Variants in NAA50 observed in about 807,000 individuals in gnomAD.
NAA50 encodes N-alpha-acetyltransferase 50, NatE catalytic subunit.
In NAA50, 7 loss-of-function variants were observed where a neutral mutation model predicts 20.7. The observed-to-expected ratio is 0.34, with a 90% CI of 0.19 to 0.63. NAA50 has a LOEUF of 0.63. Among genes scored for constraint, NAA50 ranks in the 30% least tolerant of loss-of-function variants. The probability of loss-of-function intolerance (pLI) is 0.75; values close to 1 mark genes in which losing one functional copy is unlikely to be tolerated. For synonymous variants in NAA50, 54 were observed against 70.6 expected (o/e 0.77, Z 1.18); for missense variants, 111 against 199.1 (o/e 0.56, Z 2.66).
intron 1 of NAA50, among the ~76,000 whole-genome samples, chr3:113,725,793 T>TA (rs1708191668): frequency 1.3e-5 from 2 of 148,680 alleles, no homozygotes; most frequent in African/African-American, 2.5e-5. Flanking sequence ...TAATTACAGA[T>TA]AAAAAAAGAA....
Position 113,721,288 on chromosome 3 carries a change from C to T in NAA50, c.*472G>A, listed in dbSNP as rs1175473343. 6.2e-6 allele frequency: 1 copy of T among 160,138 alleles called. No individual in the cohort carries two copies. The highest frequency in any genetic ancestry group is 1.9e-4 in the East Asian group (1 of 5,312). The allele number at this position is 160,138 out of a possible 1,614,324, so 9.9% of individuals were successfully genotyped here. Reference sequence around the variant, plus strand: ...AGAAGGACTAAAGGTGGAGTGAAGGCAATGTCTAGGGATTAGTATCCCAAA... The same window carrying T: ...AGAAGGACTAAAGGTGGAGTGAAGGTAATGTCTAGGGATTAGTATCCCAAA... On this transcript the variant is annotated 3_prime_UTR_variant, in exon 5 of 5. Transcript: ENST00000240922.
chr3:113,736,970 A>T (rs1319220321), intron 1 of NAA50, among the ~76,000 whole-genome samples: 1 of 152,210 alleles, frequency 6.6e-6, no homozygotes, highest in Non-Finnish European at 1.5e-5. Flanking sequence ...AGAGTATTTG[A>T]TCTGGACTGG....
intron 1 of NAA50, among the ~76,000 whole-genome samples, chr3:113,737,733 C>G (rs1708362947): frequency 6.6e-6 from 1 of 152,134 alleles, no homozygotes; most frequent in South Asian, 2.1e-4. Flanking sequence ...AAGGGCCTTT[C>G]TGGTACACTG....
Position 113,723,458 on chromosome 3 carries a change from G to A in NAA50, c.229C>T (p.Leu77=). The change falls in exon 3 of 5, where the codon CTA becomes TTA. Residue 77 remains leucine (L), a synonymous_variant. Transcript: ENST00000240922. ...QNQKRLYIMT[L]GCLAPYRRLG... ...CTTCGGTAAGGTGCCAGACATCCTAGTGTCATGATGTAAAGTCTCTTCTGA... is the reference window on the plus strand; with the variant it reads ...CTTCGGTAAGGTGCCAGACATCCTAATGTCATGATGTAAAGTCTCTTCTGA... 1.9e-6 allele frequency: 3 copies of A among 1,612,688 alleles called. No homozygotes were observed. The highest frequency in any genetic ancestry group is 2.5e-6 in the Non-Finnish European group (3 of 1,179,234).
chr3:113,734,452 G>A (rs1046457125), intron 1 of NAA50, among the ~76,000 whole-genome samples: 23 of 152,016 alleles, frequency 1.5e-4, no homozygotes, highest in African/African-American at 4.8e-4. Context: ...CTGGATCTAA[G>A]ATAAAAGCTG....
chr3:113,728,950 C>G (rs1232389123), intron 1 of NAA50, among the ~76,000 whole-genome samples: 1 of 151,604 alleles, frequency 6.6e-6, no homozygotes, highest in African/African-American at 2.4e-5. Flanking sequence ...CACATGGTAT[C>G]TCAAAAAGGC....
rs1198532212 is a variant in NAA50, at chr3:113,720,320, A to C, written c.*1440T>G. Reference sequence around the variant, plus strand: ...TAAATATGAATGAAACTTCCTTTTAAAGTCAAATGACAGAAAGCTCAAGCC... The same window carrying C: ...TAAATATGAATGAAACTTCCTTTTACAGTCAAATGACAGAAAGCTCAAGCC... On this transcript the variant is annotated 3_prime_UTR_variant, in exon 5 of 5. Coordinates refer to ENST00000240922, the MANE Select transcript of NAA50 (RefSeq NM_025146.4). 6.6e-6 allele frequency: 1 copy of C among 152,428 alleles called. No homozygotes were observed. Among genetic ancestry groups the C allele is most frequent in the Admixed American group, 6.5e-5 (1 of 15,278 alleles). 9.4% of individuals were successfully genotyped at this position (152,428 alleles called of 1,614,324 possible).
At chr3:113,725,309 T>A (rs1292062339) in intron 1 of NAA50, among the ~76,000 whole-genome samples, 1 of 152,238 alleles carries the variant, frequency 6.6e-6, no homozygotes, top group Admixed American at 6.5e-5. Flanking sequence ...TAGCATATTG[T>A]GTTTTGTAGA....
intron 4 of NAA50, 79 bp from the exon 5 acceptor site, chr3:113,722,016 C>A: frequency 7.8e-7 from 1 of 1,288,006 alleles, no homozygotes; most frequent in Non-Finnish European, 1.1e-6. Context: ...CAGATAGCTC[C>A]AAACATCTGT....
intron 1 of NAA50, among the ~76,000 whole-genome samples, chr3:113,733,213 C>T (rs1031534278): frequency 1.3e-5 from 2 of 152,082 alleles, no homozygotes; most frequent in African/African-American, 4.8e-5. Context: ...CAACTAATCT[C>T]AATTGTAGCT....
rs1348531167 is a variant in NAA50 at position 113,717,251 on chromosome 3, T to C, written c.*4509A>G. 6.6e-6 allele frequency: 1 copy of C among 152,254 alleles called. No individual in the cohort carries two copies. Among genetic ancestry groups the C allele is most frequent in the Non-Finnish European group, 1.5e-5 (1 of 68,120 alleles). The allele number at this position is 152,254 out of a possible 1,614,324, so 9.4% of individuals were successfully genotyped here. On this transcript the variant is annotated 3_prime_UTR_variant, in exon 5 of 5. Coordinates refer to ENST00000240922, the MANE Select transcript of NAA50 (RefSeq NM_025146.4). The stretch of plus-strand genomic sequence containing the variant: ...ACTTGGGAGGCTCAGGCAGAATTGC[T>C]TGAATCTGGGAGGCGGAGTTTGCAG...
chr3:113,743,548 T>C (rs1054763155), intron 1 of NAA50, among the ~76,000 whole-genome samples: 3 of 152,206 alleles, frequency 2.0e-5, no homozygotes, highest in African/African-American at 7.2e-5. Flanking sequence ...CAAGCACAAG[T>C]AAGATTCACA....
intron 2 of NAA50, 128 bp downstream of exon 2, chr3:113,723,831 C>T (rs755647749): frequency 1.2e-5 from 13 of 1,069,734 alleles, no homozygotes; most frequent in Non-Finnish European, 1.5e-5. Context: ...CAACCTAGAC[C>T]ACTCCCATTT....
chr3:113,736,768 C>T (rs908785757), intron 1 of NAA50, among the ~76,000 whole-genome samples: 3 of 152,158 alleles, frequency 2.0e-5, no homozygotes, highest in Admixed American at 6.5e-5. Context: ...AAGTGATCTT[C>T]CAGCCTCAGC....
chr3:113,727,628 T>A (rs573913823), intron 1 of NAA50, among the ~76,000 whole-genome samples: 212 of 151,126 alleles, frequency 1.4e-3, no homozygotes, highest in Non-Finnish European at 2.5e-3. Context: ...AAAAAATACA[T>A]GCCTTTTTTT....
rs919012057 is a variant in NAA50 at position 113,716,911 on chromosome 3, C to A, written c.*4849G>T. ...AATTCTTCTAGATCTCAACTCTAGG[C>A]TGTTAACAAGTAGCAACTCCTTCAT... is the stretch of plus-strand genomic sequence containing the variant. On this transcript the variant is annotated 3_prime_UTR_variant, in exon 5 of 5. Transcript: ENST00000240922. 5.3e-5 allele frequency: 8 copies of A among 152,220 alleles called. No homozygotes were observed. Among genetic ancestry groups the A allele is most frequent in the Non-Finnish European group, 1.0e-4 (7 of 68,038 alleles). 9.4% of individuals were successfully genotyped at this position (152,220 alleles called of 1,614,324 possible). A position where few individuals can be genotyped will look rare whatever the true frequency, so the allele number is the denominator to read the frequency against.
chr3:113,734,864 A>G (rs1708319357), intron 1 of NAA50, among the ~76,000 whole-genome samples: 1 of 152,212 alleles, frequency 6.6e-6, no homozygotes, highest in Non-Finnish European at 1.5e-5. Context: ...CTAGTGTCAA[A>G]CGCTTTTAAG....
At position 113,721,775 on chromosome 3, in the gene NAA50, T is replaced by C. The variant is rs762921869; in HGVS notation, c.495A>G (p.Gln165=). 6.2e-7 allele frequency: 1 copy of C among 1,613,908 alleles called. No homozygotes were observed. Among genetic ancestry groups the C allele is most frequent in the Non-Finnish European group, 8.5e-7 (1 of 1,179,798 alleles). ...KVPSGQNADV[Q]KTDN Reference sequence around the variant, plus strand: ...TGTAATTTGTTCAGTTGTCTGTCTTTTGCACATCTGCATTCTGACCAGAAG... The same window carrying C: ...TGTAATTTGTTCAGTTGTCTGTCTTCTGCACATCTGCATTCTGACCAGAAG... The change falls in exon 5 of 5, where the codon CAA becomes CAG. Residue 165 remains glutamine (Q), a synonymous_variant. Transcript: ENST00000240922.
intron 1 of NAA50, among the ~76,000 whole-genome samples, chr3:113,731,617 G>A (rs759388248): frequency 3.3e-5 from 5 of 152,048 alleles, no homozygotes; most frequent in African/African-American, 7.2e-5. Flanking sequence ...AGGTGCATCC[G>A]CAATCAATCC....
Sources: gnomAD v4.1 joint callset for allele counts (sites outside exome capture counted in the v4.1 genomes callset) on GRCh38, gnomAD v4.1.1 for gene constraint, MANE v1.5 for transcripts, NCBI Gene and HGNC (gene_info 2026-07-23, HGNC 2026-07-21) for gene names.